STK24: variants seen among roughly 807,000 people sequenced by gnomAD.
STK24 encodes the protein serine/threonine-protein kinase 24.
In STK24, 21 loss-of-function variants were observed where a neutral mutation model predicts 55.6. The observed-to-expected ratio is 0.38, with a 90% CI of 0.27 to 0.54. STK24 has a LOEUF of 0.54. Among genes scored for constraint, STK24 ranks in the 20% least tolerant of loss-of-function variants. The pLI, the probability that STK24 is intolerant of heterozygous loss-of-function variation, is 0.79. For synonymous variants in STK24, 200 were observed against 215.2 expected, an observed-to-expected ratio of 0.93 and a Z score of 0.62; for missense variants, 383 against 538.4, an observed-to-expected ratio of 0.71 and a Z score of 2.86.
chr13:98,545,566 A>C (rs1240683467), intron 1 of STK24, among the ~76,000 whole-genome samples: 1 of 150,758 alleles, frequency 6.6e-6, no homozygotes, highest in African/African-American at 2.4e-5. Context: ...CCCGGGAGGC[A>C]GAGCTTGCAG....
chr13:98,446,574 C>T lies in STK24; in HGVS notation c.*6599G>A. On this transcript the variant is annotated 3_prime_UTR_variant, in exon 11 of 11. Coordinates refer to ENST00000539966, the MANE Select transcript of STK24 (RefSeq NM_001032296.4). Reference sequence around the variant, plus strand: ...ACGCCCGAGGAGGGAGCTGCCTGGGCTCCCAAGTCCCTGTCTGATGCGGGG... The same window carrying T: ...ACGCCCGAGGAGGGAGCTGCCTGGGTTCCCAAGTCCCTGTCTGATGCGGGG... 7.3e-7 allele frequency: 1 copy of T among 1,373,764 alleles called. No individual in the cohort carries two copies. Among genetic ancestry groups the T allele is most frequent in the Non-Finnish European group, 1.0e-6 (1 of 981,120 alleles). 85.1% of individuals were successfully genotyped at this position (1,373,764 alleles called of 1,614,324 possible).
At chr13:98,492,442 T>C (rs965392582) in intron 2 of STK24, among the ~76,000 whole-genome samples, 3 of 152,190 alleles carry the variant, frequency 2.0e-5, no homozygotes, top group Non-Finnish European at 2.9e-5. Flanking sequence ...GAGTATGTGA[T>C]GTATGAGAGT....
chr13:98,566,943 G>A (rs1016025991), intron 1 of STK24, among the ~76,000 whole-genome samples: 1 of 152,192 alleles, frequency 6.6e-6, no homozygotes, highest in Non-Finnish European at 1.5e-5. Context: ...TCACCACATT[G>A]AACACGCTTC....
rs557015019 is a variant in STK24 at position 98,494,761 on chromosome 13, A to G, written c.274-12440T>C. On this transcript the variant is annotated intron_variant, in intron 2 of 10. Transcript: ENST00000539966. ...TAAATCAATGTGTTCTTGATTTATA[A>G]TAAGTTTGTTAGCCGAGAGCTACTG... is the stretch of plus-strand genomic sequence containing the variant. Among the ~76,000 whole-genome samples, 7 of 152,324 alleles carry G rather than the reference A, an allele frequency of 4.6e-5. No individual in the cohort carries two copies. The South Asian group carries it at 6.2e-4, about 14-fold the overall frequency.
intron 1 of STK24, among the ~76,000 whole-genome samples, chr13:98,543,758 G>T (rs1036289777): frequency 6.6e-6 from 1 of 152,188 alleles, no homozygotes; most frequent in African/African-American, 2.4e-5. Flanking sequence ...CGCCCCGAGG[G>T]TGAAGCCTGC....
At chr13:98,565,288 A>G (rs1178212302) in intron 1 of STK24, among the ~76,000 whole-genome samples, 1 of 151,882 alleles carries the variant, frequency 6.6e-6, no homozygotes, top group Admixed American at 6.6e-5. Context: ...CAGAGCCTGT[A>G]GTCTGCATTT....
intron 2 of STK24, among the ~76,000 whole-genome samples, chr13:98,485,725 G>A (rs1894779534): frequency 6.6e-6 from 1 of 152,238 alleles, no homozygotes; most frequent in South Asian, 2.1e-4. Flanking sequence ...GAAAGATGGA[G>A]TCAGTTAAGT....
chr13:98,462,047 G>A, intron 7 of STK24, 150 bp from the exon 8 acceptor site: 1 of 970,682 alleles, frequency 1.0e-6, no homozygotes, highest in African/African-American at 1.6e-5. Context: ...CAGTCCCTCT[G>A]GGATTTCCCA....
intron 1 of STK24, among the ~76,000 whole-genome samples, chr13:98,560,922 T>C (rs1897401482): frequency 6.7e-6 from 1 of 150,258 alleles, no homozygotes; most frequent in African/African-American, 2.5e-5. Flanking sequence ...AAAAAAACCA[T>C]AATTCAGTCA....
intron 1 of STK24, among the ~76,000 whole-genome samples, chr13:98,555,238 C>G (rs1341392602): frequency 1.3e-5 from 2 of 152,072 alleles, no homozygotes; most frequent in African/African-American, 2.4e-5. Context: ...GCACAATATG[C>G]CCTGCCTTCC....
At chr13:98,506,053 A>G (rs192517152) in intron 2 of STK24, among the ~76,000 whole-genome samples, 1 of 152,364 alleles carries the variant, frequency 6.6e-6, no homozygotes, top group East Asian at 1.9e-4. Context: ...TTACCTACAA[A>G]TTAATTTACT....
At chr13:98,465,136 G>A (rs955750887) in intron 6 of STK24, among the ~76,000 whole-genome samples, 2 of 152,164 alleles carry the variant, frequency 1.3e-5, no homozygotes, top group Admixed American at 1.3e-4. Context: ...GCCCAAATGG[G>A]AACAGACAGC....
chr13:98,561,884 T>C (rs537550060), intron 1 of STK24, among the ~76,000 whole-genome samples: 19 of 141,240 alleles, frequency 1.3e-4, no homozygotes, highest in African/African-American at 2.4e-4. Flanking sequence ...GGCTGAGGCA[T>C]GGGAATCGCT....
At chr13:98,555,767 G>A (rs1367544491) in intron 1 of STK24, among the ~76,000 whole-genome samples, 43 of 131,888 alleles carry the variant, frequency 3.3e-4, no homozygotes, top group South Asian at 5.7e-4. Context: ...TGCAAGCTCC[G>A]CCTCCTGGGT....
At chr13:98,555,926 C>T (rs1383579069) in intron 1 of STK24, among the ~76,000 whole-genome samples, 1 of 151,738 alleles carries the variant, frequency 6.6e-6, no homozygotes, top group African/African-American at 2.4e-5. Flanking sequence ...TTGTGATCCA[C>T]CCGCCTCGGC....
At chr13:98,504,076 T>C (rs1468603669) in intron 2 of STK24, among the ~76,000 whole-genome samples, 1 of 152,208 alleles carries the variant, frequency 6.6e-6, no homozygotes, top group Non-Finnish European at 1.5e-5. Context: ...CCAGCAGCCA[T>C]TCCTCAGCTT....
At chr13:98,559,135 T>C (rs61971224) in intron 1 of STK24, among the ~76,000 whole-genome samples, 26,427 of 151,378 alleles carry the variant, frequency 0.17, 2,687 homozygotes, top group Non-Finnish European at 0.23. Context: ...GGTTGCACCA[T>C]TGCACTCCAG....
intron 8 of STK24, among the ~76,000 whole-genome samples, chr13:98,461,151 A>G (rs752893092): frequency 5.9e-5 from 9 of 152,238 alleles, no homozygotes; most frequent in Non-Finnish European, 1.2e-4. Flanking sequence ...TGTCTAGGAC[A>G]GAGACCGAGT....
intron 5 of STK24, among the ~76,000 whole-genome samples, chr13:98,470,628 C>T (rs1293103633): frequency 2.0e-5 from 3 of 152,142 alleles, no homozygotes; most frequent in South Asian, 2.1e-4. Flanking sequence ...TAACTGCGAA[C>T]GAATCTTCTC....
Sources: allele counts gnomAD v4.1 joint callset (sites outside exome capture counted in the v4.1 genomes callset), GRCh38; gene constraint gnomAD v4.1.1; transcripts MANE v1.5; gene names NCBI Gene and HGNC (gene_info 2026-07-23, HGNC 2026-07-21).